The following MAGI2 variants were observed in gnomAD, a reference collection of about 807,000 sequenced individuals.
MAGI2 encodes the protein membrane associated guanylate kinase, WW and PDZ domain containing 2.
Under a neutral mutation model 133.3 loss-of-function variants are expected in MAGI2, and 35 were observed. That is an observed-to-expected ratio of 0.26 (90% CI 0.20 to 0.35). MAGI2 has a LOEUF of 0.35. Ranked by LOEUF, MAGI2 falls within the 10% of genes least tolerant of loss-of-function variation. The probability of loss-of-function intolerance (pLI) is 1.00; values close to 1 mark genes in which losing one functional copy is unlikely to be tolerated. For missense variants in MAGI2, 1,636 were observed against 1,863.4 expected (o/e 0.88, Z 2.25); for synonymous variants, 729 against 710.6 (o/e 1.03, Z -0.41).
At chr7:78,270,096 G>A (rs1794414978) in intron 9 of MAGI2, among the ~76,000 whole-genome samples, 1 of 152,076 alleles carries the variant, frequency 6.6e-6, no homozygotes, top group Non-Finnish European at 1.5e-5. Context: ...TGGTATTTCT[G>A]GGGCCTCTGT....
chr7:78,194,227 A>T (rs552321310), intron 12 of MAGI2, among the ~76,000 whole-genome samples: 2 of 152,236 alleles, frequency 1.3e-5, no homozygotes, highest in Non-Finnish European at 1.5e-5. Context: ...GGTGCAAGCA[A>T]TATCAAAAGC....
intron 2 of MAGI2, among the ~76,000 whole-genome samples, chr7:78,962,039 A>T (rs1249314420): frequency 6.6e-6 from 1 of 152,084 alleles, no homozygotes; most frequent in Non-Finnish European, 1.5e-5. Flanking sequence ...AAGGCACAGT[A>T]AAAATATGAT....
intron 2 of MAGI2, among the ~76,000 whole-genome samples, chr7:78,820,337 A>G (rs904856631): frequency 2.0e-5 from 3 of 151,954 alleles, no homozygotes; most frequent in Non-Finnish European, 4.4e-5. Flanking sequence ...GAGTTCTTCA[A>G]GGATAACAGC....
rs11974448 is a variant in MAGI2, at chr7:79,361,457, T to C, written c.301+91563A>G. On this transcript the variant is annotated intron_variant, in intron 1 of 21. Coordinates refer to ENST00000354212, the MANE Select transcript of MAGI2 (RefSeq NM_012301.4). Reference sequence around the variant, plus strand: ...GCACTTCTGCCTTCATGCCCAAATATCGTATTTTCCAAGGCTACCTTGGCC... The same window carrying C: ...GCACTTCTGCCTTCATGCCCAAATACCGTATTTTCCAAGGCTACCTTGGCC... Among the ~76,000 whole-genome samples the C allele has an allele frequency of 1.4e-3, 207 of 152,226 alleles. 1 individual carries two copies. Among genetic ancestry groups the C allele is most frequent in the African/African-American group, 4.8e-3 (198 of 41,530 alleles).
intron 1 of MAGI2, among the ~76,000 whole-genome samples, chr7:79,275,060 AAATAACCTAC>A (rs2129557503): frequency 6.6e-6 from 1 of 152,262 alleles, no homozygotes; most frequent in South Asian, 2.1e-4. Context: ...TTAGGACAAC[AAATAACCTAC>A]AATATCCTCT....
chr7:78,738,049 C>G (rs536163735), intron 2 of MAGI2, among the ~76,000 whole-genome samples: 1 of 128,484 alleles, frequency 7.8e-6, no homozygotes, highest in South Asian at 2.8e-4. Flanking sequence ...GAATTATTCT[C>G]TAACAGAAAA....
At chr7:78,804,763 A>AAAAC (rs1554576108) in intron 2 of MAGI2, among the ~76,000 whole-genome samples, 5 of 146,456 alleles carry the variant, frequency 3.4e-5, no homozygotes, top group African/African-American at 1.0e-4. Context: ...AAAAAAAAAA[A>AAAAC]AAAAAAAAAC....
rs1310345804 is a variant in MAGI2 at position 78,447,293 on chromosome 7, C to T, written c.1045+42468G>A. 5.3e-4 allele frequency among the ~76,000 whole-genome samples: 80 copies of T among 151,468 alleles called. 1 individual carries two copies. Among genetic ancestry groups the T allele is most frequent in the Non-Finnish European group, 4.4e-5 (3 of 67,892 alleles). On this transcript the variant is annotated intron_variant, in intron 6 of 21. Transcript: ENST00000354212. ...CGTAAAAACTAAATCTGGCATTTGG[C>T]ATATTCCTCACCTCATAAATTTACC...
intron 11 of MAGI2, among the ~76,000 whole-genome samples, chr7:78,198,886 G>A (rs943263713): frequency 2.0e-5 from 3 of 152,182 alleles, no homozygotes; most frequent in Admixed American, 6.5e-5. Context: ...TTTCCAGATG[G>A]AGAGAATGAG....
chr7:78,129,096 G>A (rs1392478374), intron 18 of MAGI2, among the ~76,000 whole-genome samples: 1 of 152,154 alleles, frequency 6.6e-6, no homozygotes, highest in Non-Finnish European at 1.5e-5. Flanking sequence ...GTATTGATAT[G>A]CAATATCCAT....
chr7:78,559,140 A>G (rs1285232431), intron 3 of MAGI2, among the ~76,000 whole-genome samples: 2 of 11,658 alleles, frequency 1.7e-4, no homozygotes, highest in African/African-American at 2.7e-4. Context: ...AATTTCCAAA[A>G]AAAAAAAAAA....
intron 1 of MAGI2, among the ~76,000 whole-genome samples, chr7:79,316,502 C>T (rs1838734882): frequency 1.3e-5 from 2 of 152,140 alleles, no homozygotes; most frequent in African/African-American, 2.4e-5. Flanking sequence ...TTCATACGCA[C>T]ATACATATGC....
chr7:78,933,592 C>T (rs1031630943), intron 2 of MAGI2, among the ~76,000 whole-genome samples: 9 of 152,228 alleles, frequency 5.9e-5, no homozygotes, highest in African/African-American at 1.9e-4. Context: ...GAGGTTCCAG[C>T]TGCTCATTCA....
chr7:78,474,279 G>C (rs1359991499), intron 6 of MAGI2, among the ~76,000 whole-genome samples: 2 of 152,030 alleles, frequency 1.3e-5, no homozygotes, highest in South Asian at 4.1e-4. Context: ...CAGGTATCTG[G>C]TAAGTTGCAA....
At chr7:78,614,959 A>G (rs1806914499) in intron 3 of MAGI2, 2 of 152,174 alleles carry the variant, frequency 1.3e-5, no homozygotes, top group Non-Finnish European at 2.9e-5. Context: ...ATCAATAGCT[A>G]TGCGGGGTTG....
chr7:78,571,229 G>C (rs1801467701), intron 3 of MAGI2, among the ~76,000 whole-genome samples: 1 of 152,178 alleles, frequency 6.6e-6, no homozygotes, highest in Non-Finnish European at 1.5e-5. Context: ...ATTTGAGAAA[G>C]AGAGAATAAT....
chr7:78,831,641 G>A (rs1791161246), intron 2 of MAGI2, among the ~76,000 whole-genome samples: 1 of 152,134 alleles, frequency 6.6e-6, no homozygotes, highest in South Asian at 2.1e-4. Context: ...AACAGTTACT[G>A]ATTTGCCCCA....
At chr7:78,705,772 C>T (rs147845134) in intron 2 of MAGI2, among the ~76,000 whole-genome samples, 3 of 152,212 alleles carry the variant, frequency 2.0e-5, no homozygotes, top group African/African-American at 4.8e-5. Context: ...ACTGGATTAA[C>T]GTCCTTTTGA....
intron 3 of MAGI2, among the ~76,000 whole-genome samples, chr7:78,582,967 C>A (rs563812305): frequency 6.6e-6 from 1 of 152,248 alleles, no homozygotes; most frequent in South Asian, 2.1e-4. Flanking sequence ...AACAGCTACC[C>A]CTAAATTAGT....
Sources: gnomAD v4.1 joint callset for allele counts (sites outside exome capture counted in the v4.1 genomes callset) on GRCh38, gnomAD v4.1.1 for gene constraint, MANE v1.5 for transcripts, NCBI Gene and HGNC (gene_info 2026-07-23, HGNC 2026-07-21) for gene names.